NRG3: variants seen among roughly 807,000 people sequenced by gnomAD.
NRG3 encodes neuregulin 3.
In NRG3, 31 loss-of-function variants were observed where a neutral mutation model predicts 66.9. The ratio of observed to expected loss-of-function variants is 0.46; its 90% CI spans 0.35 to 0.63. The LOEUF (loss-of-function observed/expected upper bound fraction) is 0.63, where lower values mean the gene tolerates loss of function less well. NRG3 is among the 20% of genes least tolerant of loss of function. The pLI, the probability that NRG3 is intolerant of heterozygous loss-of-function variation, is 0.00. For missense variants in NRG3, 910 were observed against 878.9 expected, an observed-to-expected ratio of 1.04 and a Z score of -0.45; for synonymous variants, 393 against 359.4, an observed-to-expected ratio of 1.09 and a Z score of -1.06.
At chr10:82,298,847 T>C (rs2134728972) in intron 1 of NRG3, among the ~76,000 whole-genome samples, 1 of 152,212 alleles carries the variant, frequency 6.6e-6, no homozygotes, top group East Asian at 1.9e-4. Context: ...TAGGATGTTT[T>C]GAGGAGAGGA....
intron 2 of NRG3, among the ~76,000 whole-genome samples, chr10:82,462,452 C>T (rs2091561559): frequency 6.6e-6 from 1 of 151,938 alleles, no homozygotes; most frequent in South Asian, 2.1e-4. Flanking sequence ...CAATAGATGT[C>T]ATGGAGCCAA....
At chr10:82,753,575 CTTCT>C (rs1235751179) in intron 3 of NRG3, among the ~76,000 whole-genome samples, 4 of 150,438 alleles carry the variant, frequency 2.7e-5, no homozygotes, top group Non-Finnish European at 4.4e-5. Context: ...TTTTTCCTTC[CTTCT>C]TTCTTTCTTT....
At chr10:82,282,210 A>G (rs1010786636) in intron 1 of NRG3, among the ~76,000 whole-genome samples, 1 of 152,202 alleles carries the variant, frequency 6.6e-6, no homozygotes, top group Non-Finnish European at 1.5e-5. Flanking sequence ...GCAGATAACT[A>G]GATTGTTTTA....
intron 1 of NRG3, among the ~76,000 whole-genome samples, chr10:82,051,010 G>T (rs1218801884): frequency 6.6e-6 from 1 of 152,042 alleles, no homozygotes; most frequent in Non-Finnish European, 1.5e-5. Context: ...GAGGTTGTAG[G>T]CTGTGATCAA....
intron 1 of NRG3, among the ~76,000 whole-genome samples, chr10:82,166,152 AG>A: frequency 6.6e-6 from 1 of 152,148 alleles, no homozygotes; most frequent in East Asian, 1.9e-4. Context: ...CCTCCCCAGT[AG>A]CTGGGATTAC....
intron 2 of NRG3, among the ~76,000 whole-genome samples, chr10:82,499,097 C>G (rs1254393407): frequency 1.3e-5 from 2 of 152,046 alleles, no homozygotes; most frequent in African/African-American, 2.4e-5. Context: ...CACAAAGATG[C>G]CTTGAGAAGA....
intron 1 of NRG3, among the ~76,000 whole-genome samples, chr10:81,933,008 C>A (rs573864959): frequency 6.7e-6 from 1 of 149,848 alleles, no homozygotes; most frequent in Admixed American, 6.8e-5. Flanking sequence ...ACTTGGGAGG[C>A]TGAGGCAGAG....
chr10:81,883,826 T>A (rs1842389006), intron 1 of NRG3, among the ~76,000 whole-genome samples: 1 of 152,164 alleles, frequency 6.6e-6, no homozygotes, highest in African/African-American at 2.4e-5. Context: ...TTTCTTCATT[T>A]TTGTAGCTTG....
At chr10:82,984,737 A>G in intron 8 of NRG3, 2 of 1,547,666 alleles carry the variant, frequency 1.3e-6, no homozygotes, top group Non-Finnish European at 1.7e-6. Context: ...GTCACAATGG[A>G]AAGGCCACAC....
At chr10:82,307,233 T>C (rs2080791378) in intron 1 of NRG3, among the ~76,000 whole-genome samples, 1 of 152,188 alleles carries the variant, frequency 6.6e-6, no homozygotes, top group Non-Finnish European at 1.5e-5. Context: ...TATATGTCAA[T>C]ATGATCTATC....
At chr10:82,895,298 C>T (rs914767440) in intron 4 of NRG3, among the ~76,000 whole-genome samples, 1 of 152,104 alleles carries the variant, frequency 6.6e-6, no homozygotes, top group Non-Finnish European at 1.5e-5. Context: ...CTGTTCCCCA[C>T]ATCCTGAGGG....
chr10:82,075,270 G>T (rs1412588091), intron 1 of NRG3, among the ~76,000 whole-genome samples: 1 of 152,116 alleles, frequency 6.6e-6, no homozygotes, highest in Non-Finnish European at 1.5e-5. Context: ...TGTTGTGTAT[G>T]TGGCAGTATG....
chr10:82,981,518 G>A (rs1852895743), intron 8 of NRG3, among the ~76,000 whole-genome samples: 1 of 152,162 alleles, frequency 6.6e-6, no homozygotes, highest in Admixed American at 6.5e-5. Flanking sequence ...CTTTAAATCT[G>A]GCCCCAGCCT....
chr10:82,053,896 G>A (rs748245080), intron 1 of NRG3, among the ~76,000 whole-genome samples: 2 of 152,184 alleles, frequency 1.3e-5, no homozygotes, highest in Admixed American at 6.5e-5. Flanking sequence ...CATGTGGAAT[G>A]TAACGGGAAA....
intron 1 of NRG3, among the ~76,000 whole-genome samples, chr10:81,994,035 C>G (rs1005583871): frequency 6.6e-6 from 1 of 152,096 alleles, no homozygotes; most frequent in Non-Finnish European, 1.5e-5. Context: ...TTTTACCAAA[C>G]GTACGAAAAA....
intron 2 of NRG3, among the ~76,000 whole-genome samples, chr10:82,564,953 A>G (rs1240369703): frequency 1.3e-5 from 2 of 152,080 alleles, no homozygotes; most frequent in Non-Finnish European, 2.9e-5. Context: ...CAGATTCTGT[A>G]TAATACCCTG....
chr10:82,157,490 T>G (rs574100320), intron 1 of NRG3, among the ~76,000 whole-genome samples: 1 of 151,788 alleles, frequency 6.6e-6, no homozygotes, highest in African/African-American at 2.4e-5. Flanking sequence ...TGATAGCAGG[T>G]TAGAGGTTTG....
chr10:82,666,307 T>G (rs2052776310), intron 2 of NRG3, among the ~76,000 whole-genome samples: 1 of 152,136 alleles, frequency 6.6e-6, no homozygotes, highest in South Asian at 2.1e-4. Flanking sequence ...AGCTCAAAAT[T>G]CTCCAGAGAG....
chr10:82,627,218 T>G (rs1428349109), intron 2 of NRG3, among the ~76,000 whole-genome samples: 1 of 152,116 alleles, frequency 6.6e-6, no homozygotes, highest in East Asian at 1.9e-4. Context: ...CCAGCACATT[T>G]TCTTCAGGGC....
Sources: gnomAD v4.1 joint callset for allele counts (sites outside exome capture counted in the v4.1 genomes callset) on GRCh38, gnomAD v4.1.1 for gene constraint, MANE v1.5 for transcripts, NCBI Gene and HGNC (gene_info 2026-07-23, HGNC 2026-07-21) for gene names.